The following IMMP2L variants were observed in gnomAD, a reference collection of about 807,000 sequenced individuals.
IMMP2L encodes the protein inner mitochondrial membrane peptidase subunit 2.
In IMMP2L, 18 loss-of-function variants were observed where a neutral mutation model predicts 19.3. The observed-to-expected ratio is 0.93, with a 90% CI of 0.64 to 1.38. The LOEUF is 1.38. IMMP2L is among the 40% of genes most tolerant of loss of function. IMMP2L has a pLI of 0.00. For synonymous variants in IMMP2L, 76 were observed against 73.0 expected (o/e 1.04, Z -0.21); for missense variants, 233 against 218.2 (o/e 1.07, Z -0.43).
intron 3 of IMMP2L, among the ~76,000 whole-genome samples, chr7:111,086,950 T>A (rs994766815): frequency 2.0e-5 from 3 of 152,206 alleles, no homozygotes; most frequent in African/African-American, 7.2e-5. Flanking sequence ...CTGACTATAT[T>A]GCATTGGTTG....
chr7:111,128,538 A>T (rs1171661714), intron 3 of IMMP2L, among the ~76,000 whole-genome samples: 2 of 152,212 alleles, frequency 1.3e-5, no homozygotes, highest in Non-Finnish European at 2.9e-5. Context: ...ATTAAGAGGC[A>T]TATTTAGGCT....
intron 4 of IMMP2L, among the ~76,000 whole-genome samples, chr7:110,960,699 A>G (rs999581050): frequency 2.0e-5 from 3 of 151,950 alleles, no homozygotes; most frequent in African/African-American, 7.2e-5. Flanking sequence ...CTTCTAGTTT[A>G]GAATGTACAT....
chr7:111,041,585 A>G (rs2191926), intron 3 of IMMP2L, among the ~76,000 whole-genome samples: 73,543 of 150,076 alleles, frequency 0.49, 18,950 homozygotes, highest in Non-Finnish European at 0.58. Flanking sequence ...GTTCACTCTC[A>G]GTCTACATTT....
At chr7:110,857,627 AT>A (rs1236696368) in intron 5 of IMMP2L, among the ~76,000 whole-genome samples, 2 of 152,060 alleles carry the variant, frequency 1.3e-5, no homozygotes, top group African/African-American at 4.8e-5. Context: ...AACAATCTGT[AT>A]TTTTAACAAG....
In IMMP2L at chr7:110,715,158, C is replaced by CT. The variant is rs1313406793; in HGVS notation, c.409-51438dup. Among the ~76,000 whole-genome samples, 3 of 152,174 alleles carry CT rather than the reference C, an allele frequency of 2.0e-5. No individual in the cohort carries two copies. In the South Asian group the frequency reaches 6.2e-4, roughly 32 times the overall value. On this transcript the variant is annotated intron_variant, in intron 5 of 5. Coordinates refer to ENST00000405709, the MANE Select transcript of IMMP2L (RefSeq NM_032549.4). ...GATTGTGCTTATTTGGATCTTCTCT[C>CT]TTTTTTTCTTTGTTAATTTAGCTAA...
intron 3 of IMMP2L, chr7:111,483,449 T>C (rs1055090711): frequency 6.6e-6 from 1 of 152,116 alleles, no homozygotes; most frequent in Non-Finnish European, 1.5e-5. Flanking sequence ...ACATATACTA[T>C]AGTGAGGACT....
intron 3 of IMMP2L, among the ~76,000 whole-genome samples, chr7:111,363,449 A>G (rs1481531393): frequency 6.6e-6 from 1 of 152,114 alleles, no homozygotes; most frequent in Non-Finnish European, 1.5e-5. Flanking sequence ...TGTAGAAATA[A>G]TATTTCCTCC....
chr7:110,754,312 T>C (rs1461813133), intron 5 of IMMP2L, among the ~76,000 whole-genome samples: 1 of 152,074 alleles, frequency 6.6e-6, no homozygotes. Context: ...AGATGAATAA[T>C]ACCTTATTTC....
At chr7:111,353,779 T>C (rs1407679641) in intron 3 of IMMP2L, among the ~76,000 whole-genome samples, 1 of 152,104 alleles carries the variant, frequency 6.6e-6, no homozygotes, top group Non-Finnish European at 1.5e-5. Flanking sequence ...CAACTTAATA[T>C]ATCAAAAGAC....
chr7:111,100,473 T>C (rs1018931), intron 3 of IMMP2L, among the ~76,000 whole-genome samples: 4,654 of 148,420 alleles, frequency 0.031, 235 homozygotes, highest in African/African-American at 0.11. Context: ...CATATACAGA[T>C]TTAAAATAAA....
At chr7:111,314,796 T>C (rs1031278281) in intron 3 of IMMP2L, among the ~76,000 whole-genome samples, 4 of 152,170 alleles carry the variant, frequency 2.6e-5, no homozygotes, top group African/African-American at 9.6e-5. Flanking sequence ...AGAAATAAAA[T>C]TATCCTATAG....
At chr7:111,531,401 G>A (rs1207821039) in intron 1 of IMMP2L, among the ~76,000 whole-genome samples, 3 of 151,782 alleles carry the variant, frequency 2.0e-5, no homozygotes, top group East Asian at 3.9e-4. Flanking sequence ...ACTGGCTCAG[G>A]CCATCCTAAT....
At chr7:111,465,978 T>C (rs1162984741) in intron 3 of IMMP2L, among the ~76,000 whole-genome samples, 5 of 152,146 alleles carry the variant, frequency 3.3e-5, no homozygotes, top group African/African-American at 1.2e-4. Context: ...ATATACACCA[T>C]GGAATACTAT....
intron 5 of IMMP2L, among the ~76,000 whole-genome samples, chr7:110,837,661 G>C (rs1804637952): frequency 6.6e-6 from 1 of 152,090 alleles, no homozygotes; most frequent in Non-Finnish European, 1.5e-5. Flanking sequence ...AAAAAGATAG[G>C]TTGATGTCAA....
intron 3 of IMMP2L, among the ~76,000 whole-genome samples, chr7:111,397,526 C>T (rs1242262045): frequency 6.6e-6 from 1 of 152,086 alleles, no homozygotes; most frequent in African/African-American, 2.4e-5. Context: ...ATGCCTACCA[C>T]CAAACTGTTC....
intron 5 of IMMP2L, among the ~76,000 whole-genome samples, chr7:110,742,388 A>G (rs926171160): frequency 3.3e-5 from 5 of 152,214 alleles, no homozygotes; most frequent in African/African-American, 1.2e-4. Context: ...AGATATCCCA[A>G]TGATATTCAT....
chr7:111,000,830 C>A (rs149341688), intron 3 of IMMP2L, among the ~76,000 whole-genome samples: 143 of 139,300 alleles, frequency 1.0e-3, no homozygotes, highest in African/African-American at 3.9e-3. Flanking sequence ...GGCAACAGAG[C>A]CAGACTCCTC....
rs76481596 is a variant in IMMP2L at position 110,926,529 on chromosome 7, C to A, written c.305+36971G>T. 2.6e-3 allele frequency among the ~76,000 whole-genome samples: 399 copies of A among 152,166 alleles called. 3 individuals are homozygous for A. Among genetic ancestry groups the A allele is most frequent in the Middle Eastern group, 0.02 (6 of 294 alleles). On this transcript the variant is annotated intron_variant, in intron 4 of 5. Transcript: ENST00000405709. ...AAATATAATCCTCATCTCTTTCATG[C>A]CTAAGTCTTTTTAAATTTTTTATTA...
chr7:111,030,219 T>C (rs1585843477), intron 3 of IMMP2L, among the ~76,000 whole-genome samples: 2 of 152,140 alleles, frequency 1.3e-5, no homozygotes, highest in East Asian at 3.9e-4. Flanking sequence ...ACTGAGGCAA[T>C]TGTTTTAAAT....
Sources: allele counts gnomAD v4.1 joint callset (sites outside exome capture counted in the v4.1 genomes callset), GRCh38; gene constraint gnomAD v4.1.1; transcripts MANE v1.5; gene names NCBI Gene and HGNC (gene_info 2026-07-23, HGNC 2026-07-21).